Variants in CCSER1 observed in about 807,000 individuals in gnomAD.
CCSER1 encodes the protein serine-rich coiled-coil domain-containing protein 1.
In CCSER1, 41 loss-of-function variants were observed where a neutral mutation model predicts 82.0. The observed-to-expected ratio is 0.50, with a 90% CI of 0.39 to 0.65. The LOEUF is 0.65. Ranked by LOEUF, CCSER1 falls within the 30% of genes least tolerant of loss-of-function variation. The pLI, the probability that CCSER1 is intolerant of heterozygous loss-of-function variation, is 0.00. For missense variants in CCSER1, 1,119 were observed against 1,064.2 expected (o/e 1.05, Z -0.72); for synonymous variants, 414 against 383.9 (o/e 1.08, Z -0.92).
At chr4:90,411,515 A>G (rs1226257666) in intron 4 of CCSER1, among the ~76,000 whole-genome samples, 1 of 152,216 alleles carries the variant, frequency 6.6e-6, no homozygotes, top group Non-Finnish European at 1.5e-5. Context: ...AGAACCAAAG[A>G]CAAAAACCAC....
intron 1 of CCSER1, among the ~76,000 whole-genome samples, chr4:90,218,695 A>C (rs1481422539): frequency 2.0e-5 from 3 of 152,124 alleles, no homozygotes; most frequent in Non-Finnish European, 4.4e-5. Flanking sequence ...AAATGTAAAC[A>C]TGATACGAAA....
chr4:91,172,351 A>G (rs1039441949), intron 10 of CCSER1, among the ~76,000 whole-genome samples: 1 of 152,180 alleles, frequency 6.6e-6, no homozygotes, highest in Non-Finnish European at 1.5e-5. Context: ...GTCTTCATGG[A>G]ATTTTTCATG....
intron 5 of CCSER1, among the ~76,000 whole-genome samples, chr4:90,598,694 T>TC (rs1783667714): frequency 1.3e-5 from 2 of 152,254 alleles, no homozygotes; most frequent in Admixed American, 6.5e-5. Context: ...TAAGAGACAC[T>TC]CCAATTCAGG....
chr4:91,454,342 G>A (rs1039695310), intron 10 of CCSER1, among the ~76,000 whole-genome samples: 7 of 151,922 alleles, frequency 4.6e-5, no homozygotes, highest in African/African-American at 1.2e-4. Flanking sequence ...TTTTGTGCTC[G>A]TGACCCCTTC....
intron 10 of CCSER1, among the ~76,000 whole-genome samples, chr4:91,354,581 C>G (rs1249416137): frequency 6.6e-6 from 1 of 152,186 alleles, no homozygotes; most frequent in African/African-American, 2.4e-5. Context: ...ACAGCTTTTG[C>G]CTAAGACAAC....
intron 9 of CCSER1, among the ~76,000 whole-genome samples, chr4:90,992,650 T>A (rs59871981): frequency 0.27 from 41,550 of 151,812 alleles, 6,878 homozygotes; most frequent in East Asian, 0.39. Context: ...ATTCATGTTG[T>A]TGGCAGAATT....
intron 9 of CCSER1, among the ~76,000 whole-genome samples, chr4:91,069,034 T>C (rs927429815): frequency 1.3e-5 from 2 of 151,912 alleles, no homozygotes; most frequent in African/African-American, 4.8e-5. Context: ...ATTAGCTGGG[T>C]GCGGTGGCAT....
intron 5 of CCSER1, among the ~76,000 whole-genome samples, chr4:90,481,840 G>A (rs1161167497): frequency 2.0e-5 from 3 of 151,702 alleles, no homozygotes; most frequent in Non-Finnish European, 4.4e-5. Context: ...TCTTTTTTTT[G>A]TTGCATCTCT....
At chr4:90,493,014 G>C (rs959551389) in intron 5 of CCSER1, among the ~76,000 whole-genome samples, 1 of 152,050 alleles carries the variant, frequency 6.6e-6, no homozygotes, top group Non-Finnish European at 1.5e-5. Context: ...TAAAAACCTT[G>C]AAAAAAGATT....
intron 5 of CCSER1, among the ~76,000 whole-genome samples, chr4:90,477,827 G>A (rs969190997): frequency 1.3e-5 from 2 of 151,836 alleles, no homozygotes; most frequent in African/African-American, 4.8e-5. Context: ...AACCATGATA[G>A]TTGTCCAACA....
chr4:91,107,540 T>A (rs748130811), intron 10 of CCSER1, among the ~76,000 whole-genome samples: 3 of 151,996 alleles, frequency 2.0e-5, no homozygotes, highest in Non-Finnish European at 4.4e-5. Flanking sequence ...CAGGCATCAA[T>A]GCATTTCTTA....
intron 3 of CCSER1, among the ~76,000 whole-genome samples, chr4:90,323,010 G>C (rs188012750): frequency 2.8e-4 from 43 of 152,326 alleles, no homozygotes; most frequent in African/African-American, 9.9e-4. Flanking sequence ...TTCCTTCCGG[G>C]CAGCAGGTTC....
chr4:91,559,217 G>C (rs999889395), intron 10 of CCSER1, among the ~76,000 whole-genome samples: 1 of 151,436 alleles, frequency 6.6e-6, no homozygotes, highest in Admixed American at 6.6e-5. Flanking sequence ...AGTGTGTTAA[G>C]CACTAATTTT....
chr4:90,954,263 T>G (rs1733205896), intron 9 of CCSER1, among the ~76,000 whole-genome samples: 1 of 152,014 alleles, frequency 6.6e-6, no homozygotes, highest in Non-Finnish European at 1.5e-5. Flanking sequence ...TACCTCAAAG[T>G]AAAAAGATTC....
At chr4:90,558,077 T>C (rs1024553308) in intron 5 of CCSER1, among the ~76,000 whole-genome samples, 1 of 152,174 alleles carries the variant, frequency 6.6e-6, no homozygotes, top group Non-Finnish European at 1.5e-5. Context: ...AGAAGGTTTG[T>C]AACTTCTGTT....
At chr4:90,615,810 G>T (rs2148847403) in intron 5 of CCSER1, among the ~76,000 whole-genome samples, 1 of 152,154 alleles carries the variant, frequency 6.6e-6, no homozygotes, top group East Asian at 1.9e-4. Flanking sequence ...TGAGAGGATT[G>T]ATACGAAGTT....
intron 8 of CCSER1, among the ~76,000 whole-genome samples, chr4:90,818,900 C>T (rs1402458263): frequency 6.6e-6 from 1 of 152,162 alleles, no homozygotes; most frequent in Non-Finnish European, 1.5e-5. Flanking sequence ...AACTCCAGCA[C>T]AAGAGATGCA....
At chr4:90,249,236 C>T (rs1721953218) in intron 1 of CCSER1, among the ~76,000 whole-genome samples, 1 of 152,074 alleles carries the variant, frequency 6.6e-6, no homozygotes, top group South Asian at 2.1e-4. Flanking sequence ...AGACCATCGA[C>T]TAGAGACAGG....
At chr4:90,269,593 A>G (rs143896195) in intron 1 of CCSER1, among the ~76,000 whole-genome samples, 1 of 152,168 alleles carries the variant, frequency 6.6e-6, no homozygotes, top group East Asian at 1.9e-4. Context: ...AAAACTTCAA[A>G]TAAACAACAC....
Sources: gnomAD v4.1 joint callset for allele counts (sites outside exome capture counted in the v4.1 genomes callset) on GRCh38, gnomAD v4.1.1 for gene constraint, MANE v1.5 for transcripts, NCBI Gene and HGNC (gene_info 2026-07-23, HGNC 2026-07-21) for gene names.